NELL1: variants seen among roughly 807,000 people sequenced by gnomAD.
NELL1 encodes the protein neural EGFL like 1, also known as protein kinase C-binding protein NELL1.
A neutral mutation model predicts 107.4 loss-of-function variants in NELL1; 76 were observed. That is an observed-to-expected ratio of 0.71 (90% CI 0.59 to 0.86). The LOEUF (loss-of-function observed/expected upper bound fraction) is 0.86. Among genes scored for constraint, NELL1 ranks in the 40% least tolerant of loss-of-function variants. NELL1 has a pLI of 0.00. For missense variants in NELL1, 1,024 were observed against 1,005.5 expected (o/e 1.02, Z -0.25); for synonymous variants, 353 against 341.2 (o/e 1.03, Z -0.38).
At chr11:20,805,393 C>T (rs1857361265) in intron 3 of NELL1, among the ~76,000 whole-genome samples, 1 of 151,370 alleles carries the variant, frequency 6.6e-6, no homozygotes, top group Non-Finnish European at 1.5e-5. Context: ...TCTTTTTTTC[C>T]TGTCTTCCTT....
At chr11:20,797,565 C>CA (rs35016707) in intron 3 of NELL1, among the ~76,000 whole-genome samples, 25,533 of 69,242 alleles carry the variant, frequency 0.37, 5,706 homozygotes, top group East Asian at 0.57. Flanking sequence ...GACTCCATCT[C>CA]AAAAAAAAAA....
intron 15 of NELL1, among the ~76,000 whole-genome samples, chr11:21,475,606 C>T (rs58306632): frequency 0.025 from 3,840 of 152,252 alleles, 168 homozygotes; most frequent in African/African-American, 0.085. Context: ...GCTCTCTCAT[C>T]GTGAGGTTAT....
chr11:21,134,739 G>A (rs530705449), intron 13 of NELL1, among the ~76,000 whole-genome samples: 5 of 152,170 alleles, frequency 3.3e-5, no homozygotes, highest in Admixed American at 1.3e-4. Flanking sequence ...TGAGAGAGGC[G>A]TATATGCAAC....
chr11:20,885,454 C>T lies in NELL1; in HGVS notation c.517C>T (p.Arg173Cys), dbSNP rs762459866. Reference sequence around the variant, plus strand: ...TCTTTGCCTTTACAGGATTTATGAGCGTGTGATAGACCCTCCAGATACCAA... The same window carrying T: ...TCTTTGCCTTTACAGGATTTATGAGTGTGTGATAGACCCTCCAGATACCAA... ...LHVDCNRIYERVIDPPDTNLP... is the reference protein window; with the variant it reads ...LHVDCNRIYECVIDPPDTNLP... The change falls in exon 5 of 20, where the codon CGT becomes TGT. Residue 173 changes from arginine (R) to cysteine (C), a missense_variant. Coordinates refer to ENST00000357134, the MANE Select transcript of NELL1 (RefSeq NM_006157.5). 4.2e-5 allele frequency: 68 copies of T among 1,608,238 alleles called. No individual in the cohort carries two copies. Among genetic ancestry groups the T allele is most frequent in the Middle Eastern group, 1.6e-4 (1 of 6,076 alleles).
At chr11:21,160,154 T>A (rs1856330721) in intron 13 of NELL1, among the ~76,000 whole-genome samples, 1 of 152,232 alleles carries the variant, frequency 6.6e-6, no homozygotes, top group South Asian at 2.1e-4. Flanking sequence ...TATGTAGGTC[T>A]GCCTCTGTGC....
chr11:20,836,620 AC>A lies in NELL1; in HGVS notation c.336-10962del, dbSNP rs557635203. Among the ~76,000 whole-genome samples, 129 of 81,346 alleles carry A rather than the reference AC, an allele frequency of 1.6e-3. 1 individual carries two copies. The highest frequency in any genetic ancestry group is 8.4e-3 in the South Asian group (21 of 2,498). 53.4% of individuals were successfully genotyped at this position (81,346 alleles called of 152,430 possible). On this transcript the variant is annotated intron_variant, in intron 3 of 19. Transcript: ENST00000357134. ...TAAGCCATGCAAAGACACAGGTGAA[AC>A]TTTTTTTTTTATGGCTGATCCTATT... is the stretch of plus-strand genomic sequence containing the variant.
At chr11:21,471,279 A>C (rs564961991) in intron 15 of NELL1, among the ~76,000 whole-genome samples, 1 of 152,224 alleles carries the variant, frequency 6.6e-6, no homozygotes, top group African/African-American at 2.4e-5. Flanking sequence ...GAGGAGGTTA[A>C]GAAAAAGTAG....
intron 4 of NELL1, among the ~76,000 whole-genome samples, chr11:20,848,554 T>G (rs1366083354): frequency 6.6e-6 from 1 of 152,128 alleles, no homozygotes; most frequent in South Asian, 2.1e-4. Context: ...ATTACAGAGT[T>G]TTTTTTTGCA....
At chr11:20,714,878 T>C (rs915921257) in intron 2 of NELL1, among the ~76,000 whole-genome samples, 4 of 152,124 alleles carry the variant, frequency 2.6e-5, no homozygotes, top group African/African-American at 9.7e-5. Flanking sequence ...GTTCACCTTA[T>C]ATAAGTTAAG....
intron 14 of NELL1, among the ~76,000 whole-genome samples, chr11:21,270,030 G>T (rs577370394): frequency 4.2e-4 from 64 of 151,996 alleles, no homozygotes; most frequent in Non-Finnish European, 9.0e-4. Context: ...TGTGGCAATC[G>T]CTTTTTGTTT....
intron 14 of NELL1, among the ~76,000 whole-genome samples, chr11:21,359,735 A>C (rs888963913): frequency 6.6e-6 from 1 of 152,168 alleles, no homozygotes; most frequent in African/African-American, 2.4e-5. Context: ...GTATATTTCC[A>C]GGAACTTATC....
chr11:20,916,898 G>C (rs11826164), intron 5 of NELL1, among the ~76,000 whole-genome samples: 1 of 151,912 alleles, frequency 6.6e-6, no homozygotes, highest in African/African-American at 2.4e-5. Context: ...AGCAACTGGG[G>C]CTCATAGAAG....
intron 12 of NELL1, among the ~76,000 whole-genome samples, chr11:21,061,347 T>C (rs1332895486): frequency 1.3e-5 from 2 of 152,162 alleles, no homozygotes; most frequent in East Asian, 3.9e-4. Context: ...GACAGTAGGA[T>C]TGGCTTTATC....
chr11:21,010,779 A>G (rs1330202948), intron 12 of NELL1, among the ~76,000 whole-genome samples: 1 of 152,074 alleles, frequency 6.6e-6, no homozygotes, highest in Non-Finnish European at 1.5e-5. Flanking sequence ...GCAGGCAAAA[A>G]TACTCCCTTT....
At chr11:21,441,028 T>C (rs1853268793) in intron 15 of NELL1, among the ~76,000 whole-genome samples, 1 of 152,156 alleles carries the variant, frequency 6.6e-6, no homozygotes, top group Admixed American at 6.5e-5. Context: ...AGTTCACAAT[T>C]CTACAGAGCC....
At chr11:21,061,867 T>C (rs1853750285) in intron 12 of NELL1, among the ~76,000 whole-genome samples, 1 of 152,186 alleles carries the variant, frequency 6.6e-6, no homozygotes, top group Non-Finnish European at 1.5e-5. Flanking sequence ...TTAGATGAGG[T>C]AAATCTCTTT....
At chr11:21,330,338 T>G (rs1426866163) in intron 14 of NELL1, among the ~76,000 whole-genome samples, 2 of 152,184 alleles carry the variant, frequency 1.3e-5, no homozygotes, top group African/African-American at 4.8e-5. Flanking sequence ...TCACACCATG[T>G]GGAATAGAAT....
At chr11:21,083,816 A>G (rs1407082492) in intron 12 of NELL1, among the ~76,000 whole-genome samples, 1 of 152,232 alleles carries the variant, frequency 6.6e-6, no homozygotes, top group East Asian at 1.9e-4. Flanking sequence ...ATAAATTAAA[A>G]CACATTAAAT....
intron 15 of NELL1, among the ~76,000 whole-genome samples, chr11:21,424,971 C>G (rs957089147): frequency 1.3e-5 from 2 of 152,080 alleles, no homozygotes; most frequent in African/African-American, 2.4e-5. Context: ...AAAGCCAGAC[C>G]AAGCCATTAC....
Sources: allele counts gnomAD v4.1 joint callset (sites outside exome capture counted in the v4.1 genomes callset), GRCh38; gene constraint gnomAD v4.1.1; transcripts MANE v1.5; gene names NCBI Gene and HGNC (gene_info 2026-07-23, HGNC 2026-07-21).